The following DGKB variants were observed in gnomAD, a reference collection of about 807,000 sequenced individuals.
DGKB encodes the protein 90 kDa diacylglycerol kinase.
In DGKB, 67 loss-of-function variants were observed where a neutral mutation model predicts 114.3. The observed-to-expected ratio is 0.59, with a 90% CI of 0.48 to 0.72. The LOEUF is 0.72. DGKB is among the 30% of genes least tolerant of loss of function. The pLI is 0.00. For missense variants in DGKB, 907 were observed against 975.2 expected, an observed-to-expected ratio of 0.93 and a Z score of 0.93; for synonymous variants, 398 against 323.1, an observed-to-expected ratio of 1.23 and a Z score of -2.49.
chr7:14,607,636 C>A, intron 16 of DGKB, 128 bp from the exon 17 acceptor site: 1 of 337,398 alleles, frequency 3.0e-6, no homozygotes, highest in Non-Finnish European at 5.4e-6. Context: ...AAATTTCTAT[C>A]AATTTAATAA....
At chr7:14,576,367 TAAG>T (rs561715982) in intron 19 of DGKB, among the ~76,000 whole-genome samples, 28 of 151,912 alleles carry the variant, frequency 1.8e-4, no homozygotes, top group African/African-American at 6.3e-4. Flanking sequence ...TAATTTCTTT[TAAG>T]AAGTATAAGT....
upstream of DGKB, among the ~76,000 whole-genome samples, chr7:14,907,095 T>A (rs1356890960): frequency 6.6e-6 from 1 of 152,214 alleles, no homozygotes; most frequent in Admixed American, 6.5e-5. Flanking sequence ...TGGTTTTAAA[T>A]CAATGAATCA....
intron 4 of DGKB, among the ~76,000 whole-genome samples, chr7:14,740,730 C>T (rs539009670): frequency 2.0e-5 from 3 of 151,874 alleles, no homozygotes; most frequent in Non-Finnish European, 4.4e-5. Context: ...GTGTAGGGAA[C>T]TCAAAGGCTA....
At chr7:14,525,010 T>C (rs1210786413) in intron 20 of DGKB, among the ~76,000 whole-genome samples, 3 of 152,172 alleles carry the variant, frequency 2.0e-5, no homozygotes, top group African/African-American at 7.2e-5. Flanking sequence ...TTGATCATGA[T>C]TGAAGCTGTG....
intron 21 of DGKB, among the ~76,000 whole-genome samples, chr7:14,362,485 G>A (rs1461895134): frequency 1.3e-5 from 2 of 151,892 alleles, no homozygotes; most frequent in African/African-American, 4.8e-5. Flanking sequence ...CACTATTCTA[G>A]TTGCCAGAAA....
chr7:14,364,767 T>C (rs958594804), intron 21 of DGKB, among the ~76,000 whole-genome samples: 1 of 151,966 alleles, frequency 6.6e-6, no homozygotes, highest in Non-Finnish European at 1.5e-5. Flanking sequence ...GACTTTTTAT[T>C]TCCAATAACC....
chr7:14,304,633 A>C (rs1804168455), intron 23 of DGKB, among the ~76,000 whole-genome samples: 1 of 152,140 alleles, frequency 6.6e-6, no homozygotes, highest in Non-Finnish European at 1.5e-5. Context: ...AGCATTGCCG[A>C]TTTAGTGTCC....
intron 21 of DGKB, among the ~76,000 whole-genome samples, chr7:14,393,358 C>A (rs1266423123): frequency 6.6e-6 from 1 of 152,036 alleles, no homozygotes. Context: ...AATTTTGAAC[C>A]ACTATTAAGC....
At chr7:14,571,650 A>G (rs1464255873) in intron 20 of DGKB, among the ~76,000 whole-genome samples, 1 of 152,240 alleles carries the variant, frequency 6.6e-6, no homozygotes, top group Non-Finnish European at 1.5e-5. Flanking sequence ...ATCCTTGGTT[A>G]AATGAGAGGT....
Position 14,281,873 on chromosome 7 carries a change from G to A in DGKB, c.2122+56642C>T, listed in dbSNP as rs1800014264. ...ACGCATTCAAAGCAGTGTGTAGAGG[G>A]AAATTTATAGCACTAAATGCCCACA... is the stretch of plus-strand genomic sequence containing the variant. On this transcript the variant is annotated intron_variant, in intron 23 of 25. Transcript: ENST00000402815. Among the ~76,000 whole-genome samples the A allele has an allele frequency of 2.1e-5, 3 of 141,948 alleles. No homozygotes were observed. In the South Asian group the frequency reaches 7.3e-4, roughly 34 times the overall value. 93.1% of individuals were successfully genotyped at this position (141,948 alleles called of 152,430 possible).
intron 25 of DGKB, among the ~76,000 whole-genome samples, chr7:14,155,121 C>T (rs1350284228): frequency 6.6e-6 from 1 of 152,060 alleles, no homozygotes; most frequent in Non-Finnish European, 1.5e-5. Flanking sequence ...TGTCATTTTA[C>T]TTCTCTTCCT....
At chr7:14,208,489 T>C (rs1362962615) in intron 23 of DGKB, among the ~76,000 whole-genome samples, 1 of 152,000 alleles carries the variant, frequency 6.6e-6, no homozygotes, top group Non-Finnish European at 1.5e-5. Context: ...TTCCCTCCCT[T>C]TTGCTGGGTT....
chr7:14,304,572 T>G (rs1804154140), intron 23 of DGKB, among the ~76,000 whole-genome samples: 1 of 152,170 alleles, frequency 6.6e-6, no homozygotes, highest in South Asian at 2.1e-4. Flanking sequence ...GATTGTTTTC[T>G]TTTCGATAAC....
At chr7:14,190,620 G>T (rs1784152771) in intron 23 of DGKB, among the ~76,000 whole-genome samples, 1 of 151,758 alleles carries the variant, frequency 6.6e-6, no homozygotes, top group Admixed American at 6.6e-5. Flanking sequence ...TTGTTTTTTT[G>T]AAATGATAAA....
intron 15 of DGKB, among the ~76,000 whole-genome samples, chr7:14,616,403 T>C (rs1420863972): frequency 6.6e-6 from 1 of 151,578 alleles, no homozygotes; most frequent in Non-Finnish European, 1.5e-5. Context: ...TCTTTTGGAT[T>C]GTATCCAATC....
chr7:14,618,758 T>C (rs1235373653), intron 15 of DGKB, among the ~76,000 whole-genome samples: 2 of 151,542 alleles, frequency 1.3e-5, no homozygotes, highest in Admixed American at 6.6e-5. Context: ...ATTATGCTGG[T>C]TAGCTGGAAA....
At chr7:14,605,222 C>T (rs1295343933) in intron 17 of DGKB, among the ~76,000 whole-genome samples, 1 of 151,836 alleles carries the variant, frequency 6.6e-6, no homozygotes, top group African/African-American at 2.4e-5. Context: ...AAAAATGAAA[C>T]TGATCAATGT....
chr7:14,617,874 T>G (rs1243270804), intron 15 of DGKB, among the ~76,000 whole-genome samples: 1 of 151,674 alleles, frequency 6.6e-6, no homozygotes, highest in Admixed American at 6.6e-5. Flanking sequence ...AAACTAGCCA[T>G]TGTTCTTAAA....
intron 14 of DGKB, among the ~76,000 whole-genome samples, chr7:14,627,507 C>G (rs1270572759): frequency 6.6e-6 from 1 of 152,022 alleles, no homozygotes; most frequent in Non-Finnish European, 1.5e-5. Flanking sequence ...ATAAGAGGGT[C>G]TATGCCAAAA....
Sources: gnomAD v4.1 joint callset for allele counts (sites outside exome capture counted in the v4.1 genomes callset) on GRCh38, gnomAD v4.1.1 for gene constraint, MANE v1.5 for transcripts, NCBI Gene and HGNC (gene_info 2026-07-23, HGNC 2026-07-21) for gene names.